Variants in TMEM163 observed in about 807,000 individuals in gnomAD.
TMEM163 encodes the protein transmembrane protein 163.
Under a neutral mutation model 29.3 loss-of-function variants are expected in TMEM163, and 17 were observed. That is an observed-to-expected ratio of 0.58 (90% CI 0.40 to 0.87). The LOEUF is 0.87. Ranked by LOEUF, TMEM163 falls within the 40% of genes least tolerant of loss-of-function variation. The probability of loss-of-function intolerance (pLI) is 0.00; values close to 1 mark genes in which losing one functional copy is unlikely to be tolerated. For missense variants in TMEM163, 303 were observed against 381.5 expected, an observed-to-expected ratio of 0.79 and a Z score of 1.71; for synonymous variants, 157 against 160.6, an observed-to-expected ratio of 0.98 and a Z score of 0.17.
intron 2 of TMEM163, among the ~76,000 whole-genome samples, chr2:134,693,405 G>A (rs147520124): frequency 4.5e-4 from 69 of 152,076 alleles, no homozygotes; most frequent in African/African-American, 1.6e-3. Context: ...TCAGGAGTTC[G>A]AGACCACCCT....
intron 2 of TMEM163, among the ~76,000 whole-genome samples, chr2:134,685,785 C>T (rs1020860968): frequency 6.6e-5 from 10 of 152,142 alleles, no homozygotes; most frequent in African/African-American, 2.4e-4. Flanking sequence ...CTGAAATGAC[C>T]ACCTCATAGA....
Position 134,458,019 on chromosome 2 carries a change from C to T in TMEM163, c.809+13G>A, listed in dbSNP as rs748565554. The T allele has an allele frequency of 6.2e-7, 1 of 1,613,980 alleles. No individual in the cohort carries two copies. Among genetic ancestry groups the T allele is most frequent in the Admixed American group, 1.7e-5 (1 of 60,004 alleles). On this transcript the variant is annotated intron_variant, in intron 7 of 7. Transcript: ENST00000281924. ...GCTGCCAGGAAAGCAAACAGGAAAG[C>T]ACAAGAACCTACTTGACCCCATAGG...
At chr2:134,521,067 C>T (rs898342142) in intron 4 of TMEM163, among the ~76,000 whole-genome samples, 26 of 151,794 alleles carry the variant, frequency 1.7e-4, no homozygotes, top group African/African-American at 5.6e-4. Flanking sequence ...GGCACAATCT[C>T]GGCTCACTGC....
chr2:134,477,730 C>T (rs551915462), intron 5 of TMEM163, among the ~76,000 whole-genome samples: 3 of 152,276 alleles, frequency 2.0e-5, no homozygotes, highest in African/African-American at 7.2e-5. Context: ...TAAGCACCAA[C>T]AAGGAAGTCT....
At chr2:134,680,418 C>T (rs1461425472) in intron 2 of TMEM163, among the ~76,000 whole-genome samples, 1 of 151,772 alleles carries the variant, frequency 6.6e-6, no homozygotes, top group African/African-American at 2.4e-5. Flanking sequence ...CACCACTGTA[C>T]TCCAACCTGG....
intron 2 of TMEM163, among the ~76,000 whole-genome samples, chr2:134,685,714 C>G (rs1684336652): frequency 6.6e-6 from 1 of 152,068 alleles, no homozygotes; most frequent in Non-Finnish European, 1.5e-5. Flanking sequence ...GAAGAAACAC[C>G]ACCAAAACTA....
rs559286270 is a variant in TMEM163 at position 134,639,750 on chromosome 2, G to A, written c.322+73450C>T. ...CATACCACTCTTTCCGAGGCCCAGC[G>A]TATTAGATACTTTTCAAACCACCGT... On this transcript the variant is annotated intron_variant, in intron 2 of 7. Coordinates refer to ENST00000281924, the MANE Select transcript of TMEM163 (RefSeq NM_030923.5). Among the ~76,000 whole-genome samples the A allele has an allele frequency of 3.3e-5, 5 of 152,186 alleles. No homozygotes were observed. In the South Asian group the frequency reaches 6.2e-4, roughly 19 times the overall value.
intron 2 of TMEM163, among the ~76,000 whole-genome samples, chr2:134,584,540 A>C (rs1299521363): frequency 6.6e-6 from 1 of 152,106 alleles, no homozygotes; most frequent in Non-Finnish European, 1.5e-5. Context: ...AGTTCCAGGC[A>C]AGGCACAATC....
intron 2 of TMEM163, among the ~76,000 whole-genome samples, chr2:134,712,887 G>A (rs1265631615): frequency 1.3e-5 from 2 of 152,076 alleles, no homozygotes; most frequent in African/African-American, 2.4e-5. Context: ...TGTGTCACAT[G>A]TCAGCCCAAG....
chr2:134,656,268 C>G (rs377121413), intron 2 of TMEM163, among the ~76,000 whole-genome samples: 17 of 150,958 alleles, frequency 1.1e-4, no homozygotes, highest in African/African-American at 4.2e-4. Context: ...CTTTTTAAGC[C>G]GGTCTGAAAA....
intron 2 of TMEM163, among the ~76,000 whole-genome samples, chr2:134,605,411 A>G (rs6750788): frequency 0.66 from 99,960 of 151,960 alleles, 34,441 homozygotes; most frequent in African/African-American, 0.83. Flanking sequence ...AGTAGTTAAA[A>G]GAAATATTTG....
chr2:134,707,897 C>CTTTTTTTTTTTT (rs35922959), intron 2 of TMEM163, among the ~76,000 whole-genome samples: 2 of 133,666 alleles, frequency 1.5e-5, no homozygotes, highest in African/African-American at 2.7e-5. Context: ...CAGACCAGAA[C>CTTTTTTTTTTTT]TTTTTTTTTT....
rs1051516722 is a variant in TMEM163, at chr2:134,597,621, G to A, written c.323-45530C>T. On this transcript the variant is annotated intron_variant, in intron 2 of 7. Transcript: ENST00000281924. ...CAGGCTTTGGTATCAGGATGATGCT[G>A]GCCTCATAGAATGAGTTAGGGAGGA... Among the ~76,000 whole-genome samples, 17 of 152,116 alleles carry A rather than the reference G, an allele frequency of 1.1e-4. 1 individual carries two copies. Among genetic ancestry groups the A allele is most frequent in the South Asian group, 8.3e-4 (4 of 4,822 alleles).
In TMEM163 at chr2:134,529,287, C is replaced by A. The variant is rs183098022; in HGVS notation, c.458+21283G>T. Among the ~76,000 whole-genome samples, 228 of 152,224 alleles carry A rather than the reference C, an allele frequency of 1.5e-3. 1 individual carries two copies. Among genetic ancestry groups the A allele is most frequent in the African/African-American group, 5.0e-3 (209 of 41,524 alleles). On this transcript the variant is annotated intron_variant, in intron 4 of 7. Transcript: ENST00000281924. ...CAGAGGTTGCAGTGAGCTGAGATCA[C>A]GCCACTATACTCCAGCCTGGGTGAC...
At chr2:134,532,026 G>A (rs1447253443) in intron 4 of TMEM163, among the ~76,000 whole-genome samples, 1 of 152,210 alleles carries the variant, frequency 6.6e-6, no homozygotes, top group Non-Finnish European at 1.5e-5. Context: ...GAGTTGTTAT[G>A]CCAGGAAACC....
At chr2:134,464,179 G>A (rs1054822234) in intron 6 of TMEM163, among the ~76,000 whole-genome samples, 1 of 152,202 alleles carries the variant, frequency 6.6e-6, no homozygotes, top group Non-Finnish European at 1.5e-5. Context: ...TGGTCGGGGC[G>A]ACTTTAGGAA....
At position 134,577,882 on chromosome 2, in the gene TMEM163, G is replaced by A. The variant is rs74844724; in HGVS notation, c.323-25791C>T. Among the ~76,000 whole-genome samples the A allele has an allele frequency of 2.4e-3, 358 of 152,214 alleles. 4 individuals carry two copies. The highest frequency in any genetic ancestry group is 8.2e-3 in the African/African-American group (339 of 41,520). On this transcript the variant is annotated intron_variant, in intron 2 of 7. Transcript: ENST00000281924. ...TAACAACTATTTACATAGCATTCACGTTGTATTAGGTATTGTAAGTACATC... is the reference window on the plus strand; with the variant it reads ...TAACAACTATTTACATAGCATTCACATTGTATTAGGTATTGTAAGTACATC...
At chr2:134,660,819 A>G (rs980224345) in intron 2 of TMEM163, among the ~76,000 whole-genome samples, 9 of 152,250 alleles carry the variant, frequency 5.9e-5, no homozygotes, top group Non-Finnish European at 1.2e-4. Context: ...CTCAGTTAAA[A>G]GAGGGGTTGG....
intron 2 of TMEM163, among the ~76,000 whole-genome samples, chr2:134,644,520 G>A (rs571443258): frequency 6.6e-6 from 1 of 152,220 alleles, no homozygotes; most frequent in African/African-American, 2.4e-5. Context: ...TTCAACAAAT[G>A]ATGTTAGAAC....
Sources: allele counts gnomAD v4.1 joint callset (sites outside exome capture counted in the v4.1 genomes callset), GRCh38; gene constraint gnomAD v4.1.1; transcripts MANE v1.5; gene names NCBI Gene and HGNC (gene_info 2026-07-23, HGNC 2026-07-21).